KCTD19: variants seen among roughly 807,000 people sequenced by gnomAD.
KCTD19 encodes BTB/POZ domain-containing protein KCTD19.
Under a neutral mutation model 103.5 loss-of-function variants are expected in KCTD19, and 67 were observed. That is an observed-to-expected ratio of 0.65 (90% CI 0.53 to 0.79). The LOEUF is 0.79. Ranked by LOEUF, KCTD19 falls within the 30% of genes least tolerant of loss-of-function variation. KCTD19 has a pLI of 0.00. For synonymous variants in KCTD19, 439 were observed against 452.2 expected (o/e 0.97, Z 0.37); for missense variants, 980 against 1,136.1 (o/e 0.86, Z 1.98).
chr16:67,304,342 G>A, intron 3 of KCTD19, 79 bp downstream of exon 3: 1 of 1,425,082 alleles, frequency 7.0e-7, no homozygotes, highest in Non-Finnish European at 9.9e-7. Context: ...CTGCTCTCTG[G>A]ATGGAAGCCA....
intron 2 of KCTD19, among the ~76,000 whole-genome samples, chr16:67,316,774 G>C (rs1234829170): frequency 6.6e-6 from 1 of 151,266 alleles, no homozygotes; most frequent in Non-Finnish European, 1.5e-5. Context: ...TACACAATAA[G>C]ACACTAATAA....
chr16:67,314,816 TATATATATATATATAGAGAGAGAGAG>T (rs1232767034), intron 2 of KCTD19, among the ~76,000 whole-genome samples: 1 of 103,758 alleles, frequency 9.6e-6, no homozygotes, highest in Non-Finnish European at 1.8e-5. Context: ...TATATATATA[TATATATATATATATAGAGAGAGAGAG>T]AGAGAGAGAG....
chr16:67,295,964 T>C (rs1250352640), intron 8 of KCTD19, 195 bp downstream of exon 8: 4 of 550,314 alleles, frequency 7.3e-6, no homozygotes, highest in Non-Finnish European at 1.3e-5. Flanking sequence ...AGGCTGGTCT[T>C]GAACTCCTGA....
chr16:67,299,265 C>G, intron 6 of KCTD19, 98 bp downstream of exon 6: 1 of 1,121,338 alleles, frequency 8.9e-7, no homozygotes, highest in South Asian at 1.3e-5. Context: ...CAAGGACACA[C>G]TTCACCTCTG....
intron 1 of KCTD19, chr16:67,326,076 C>T: frequency 6.6e-6 from 1 of 152,332 alleles, no homozygotes; most frequent in Non-Finnish European, 1.5e-5. Context: ...ACAGGCCGTG[C>T]CACCACACCC....
intron 2 of KCTD19, among the ~76,000 whole-genome samples, chr16:67,308,991 G>A (rs189801673): frequency 3.3e-5 from 5 of 151,956 alleles, no homozygotes; most frequent in African/African-American, 4.8e-5. Context: ...AAAATTAGCC[G>A]GGCTTGGTGG....
At chr16:67,324,244 T>C (rs992158146) in intron 1 of KCTD19, among the ~76,000 whole-genome samples, 1 of 152,192 alleles carries the variant, frequency 6.6e-6, no homozygotes, top group African/African-American at 2.4e-5. Flanking sequence ...TAGAGAGCCA[T>C]CAAACATACA....
rs540757108 is a variant in KCTD19 at position 67,305,646 on chromosome 16, C to T, written c.301-1075G>A. The T allele has an allele frequency of 4.5e-4, 206 of 454,106 alleles. 1 individual carries two copies. Among genetic ancestry groups the T allele is most frequent in the African/African-American group, 3.0e-3 (152 of 49,982 alleles). The allele number at this position is 454,106 out of a possible 1,614,324, so 28.1% of individuals were successfully genotyped here. On this transcript the variant is annotated intron_variant, in intron 2 of 15. Transcript: ENST00000304372. Reference sequence around the variant, plus strand: ...GCAGATTATCATAACATCAGCACCCCCTCCCTTTTTTTTTCTGTCTTTACG... The same window carrying T: ...GCAGATTATCATAACATCAGCACCCTCTCCCTTTTTTTTTCTGTCTTTACG...
chr16:67,321,051 C>T (rs1430964106), intron 1 of KCTD19, among the ~76,000 whole-genome samples, 166 bp from the exon 2 acceptor site: 1 of 152,120 alleles, frequency 6.6e-6, no homozygotes, highest in Middle Eastern at 3.2e-3. Context: ...CCAGGCCAGG[C>T]ATGGTGGTTC....
rs200412656 is a variant in KCTD19 at position 67,326,726 on chromosome 16, G to T, written c.-19C>A. 6.4e-6 allele frequency: 10 copies of T among 1,570,052 alleles called. No individual in the cohort carries two copies. The highest frequency in any genetic ancestry group is 2.8e-5 in the African/African-American group (2 of 71,150). On this transcript the variant is annotated 5_prime_UTR_variant, in exon 1 of 16. Transcript: ENST00000304372. ...GTACCATGGTCGCGGCTCCAGCAGC[G>T]GGCGGGCGGGCTTGTGACCCGGCCA...
chr16:67,297,383 GCCTGGCTTTCC>G, intron 7 of KCTD19, 109 bp downstream of exon 7: 1 of 1,006,962 alleles, frequency 9.9e-7, no homozygotes, highest in Non-Finnish European at 1.5e-6. Flanking sequence ...CAAAATATTG[GCCTGGCTTTCC>G]CCTCCTCCTC....
chr16:67,317,427 G>A (rs778174727), intron 2 of KCTD19, among the ~76,000 whole-genome samples: 9 of 151,268 alleles, frequency 5.9e-5, no homozygotes, highest in Non-Finnish European at 1.2e-4. Flanking sequence ...GCCATGAGCC[G>A]AGATAGCACC....
chr16:67,303,043 G>T lies in KCTD19; in HGVS notation c.643+103C>A. On this transcript the variant is annotated intron_variant, in intron 4 of 15. Coordinates refer to ENST00000304372, the MANE Select transcript of KCTD19 (RefSeq NM_001100915.3). This position sits in a 1 kb window ranked among gnomAD's most constrained non-coding sequence, Gnocchi z 4.3. ...GCTACCTCTGCCCAGGGAAGCTCCT[G>T]AGGCCCTGAGCACCAAGCTGGGCCT... 8.6e-7 allele frequency: 1 copy of T among 1,158,092 alleles called. No individual in the cohort carries two copies. Among genetic ancestry groups the T allele is most frequent in the Non-Finnish European group, 1.2e-6 (1 of 803,554 alleles). 71.7% of individuals were successfully genotyped at this position (1,158,092 alleles called of 1,614,324 possible). A position where few individuals can be genotyped will look rare whatever the true frequency, so the allele number is the denominator to read the frequency against.
intron 2 of KCTD19, among the ~76,000 whole-genome samples, chr16:67,310,444 C>T (rs78709380): frequency 3.3e-5 from 5 of 152,278 alleles, no homozygotes; most frequent in African/African-American, 7.2e-5. Flanking sequence ...ACTTCAAGTC[C>T]GCTTTCATCT....
chr16:67,309,128 CAAAA>C (rs60872060), intron 2 of KCTD19, among the ~76,000 whole-genome samples: 4 of 75,902 alleles, frequency 5.3e-5, no homozygotes, highest in Non-Finnish European at 5.7e-5. Context: ...GACTTCAGCT[CAAAA>C]AAAAAAAAAA....
At chr16:67,316,687 T>A (rs1054818125) in intron 2 of KCTD19, among the ~76,000 whole-genome samples, 1 of 152,194 alleles carries the variant, frequency 6.6e-6, no homozygotes, top group Non-Finnish European at 1.5e-5. Context: ...CTTCATAGCA[T>A]TTATCTCTAC....
rs1597392970 is a variant in KCTD19, at chr16:67,295,128, A to G, written c.1392-72T>C. ...GTGGGAGGGAGCATGAGCTCCTGGA[A>G]CTGCCGCTGCCAACAGTTCCCACGA... On this transcript the variant is annotated intron_variant, in intron 9 of 15. Coordinates refer to ENST00000304372, the MANE Select transcript of KCTD19 (RefSeq NM_001100915.3). 3 of 1,559,224 alleles carry G rather than the reference A, an allele frequency of 1.9e-6. No individual in the cohort carries two copies. In the South Asian group the frequency reaches 3.3e-5, roughly 17 times the overall value.
At chr16:67,311,425 C>T (rs146092601) in intron 2 of KCTD19, among the ~76,000 whole-genome samples, 5,145 of 152,084 alleles carry the variant, frequency 0.034, 136 homozygotes, top group South Asian at 0.069. Flanking sequence ...GCCTCAGCCT[C>T]CTAAATAGCT....
In KCTD19 at chr16:67,303,085, G is replaced by A. The variant is rs2036852323; in HGVS notation, c.643+61C>T. The A allele has an allele frequency of 2.0e-6, 3 of 1,480,726 alleles. No homozygotes were observed. Among genetic ancestry groups the A allele is most frequent in the Non-Finnish European group, 2.8e-6 (3 of 1,065,590 alleles). 91.7% of individuals were successfully genotyped at this position (1,480,726 alleles called of 1,614,324 possible). A position where few individuals can be genotyped will look rare whatever the true frequency, so the allele number is the denominator to read the frequency against. ...GCTGGGCCTCTGTGGGACATGTGATGGGGAGGGGTGAATGGGCCCTATCAG... is the reference window on the plus strand; with the variant it reads ...GCTGGGCCTCTGTGGGACATGTGATAGGGAGGGGTGAATGGGCCCTATCAG... On this transcript the variant is annotated intron_variant, in intron 4 of 15. Transcript: ENST00000304372. The surrounding 1 kb of genome is among the most constrained non-coding windows in gnomAD (Gnocchi z 4.3).
Sources: gnomAD v4.1 joint callset for allele counts (sites outside exome capture counted in the v4.1 genomes callset) on GRCh38, gnomAD v4.1.1 for gene constraint, Gnocchi (gnomAD v3.1) non-coding constraint, MANE v1.5 for transcripts, NCBI Gene and HGNC (gene_info 2026-07-23, HGNC 2026-07-21) for gene names.